Variants in TBC1D16 observed in about 807,000 individuals in gnomAD.
TBC1D16 encodes the protein TBC1 domain family member 16, also known as CTD-2529O21.1.
A neutral mutation model predicts 74.7 loss-of-function variants in TBC1D16; 58 were observed. That is an observed-to-expected ratio of 0.78 (90% CI 0.63 to 0.97). The LOEUF (loss-of-function observed/expected upper bound fraction) is 0.97, where lower values mean the gene tolerates loss of function less well. TBC1D16 is among the 50% of genes least tolerant of loss of function. TBC1D16 has a pLI of 0.00. For synonymous variants in TBC1D16, 493 were observed against 474.7 expected (o/e 1.04, Z -0.50); for missense variants, 1,014 against 1,079.5 (o/e 0.94, Z 0.85).
Position 79,941,272 on chromosome 17 carries a change from G to A in TBC1D16, c.2056-165C>T, listed in dbSNP as rs978526734. Among the ~76,000 whole-genome samples, 10 of 152,114 alleles carry A rather than the reference G, an allele frequency of 6.6e-5. No individual in the cohort carries two copies. Among genetic ancestry groups the A allele is most frequent in the African/African-American group, 1.9e-4 (8 of 41,426 alleles). On this transcript the variant is annotated intron_variant, in intron 11 of 11. Transcript: ENST00000310924. The surrounding 1 kb of genome is among the most constrained non-coding windows in gnomAD (Gnocchi z 4.3). ...TCTGCCTGCATCTCCCACCATCACC[G>A]GCACCACGGGGCCCTGGGTCTTAGG...
intron 3 of TBC1D16, chr17:79,992,963 C>A (rs2035131022): frequency 6.6e-6 from 1 of 152,358 alleles, no homozygotes; most frequent in Non-Finnish European, 1.5e-5. Flanking sequence ...ACCCCACTCC[C>A]CTCCTGGGGA....
At position 79,944,418 on chromosome 17, in the gene TBC1D16, G is replaced by A. The variant is rs2032325632; in HGVS notation, c.1908+490C>T. On this transcript the variant is annotated intron_variant, in intron 10 of 11. Transcript: ENST00000310924. The surrounding 1 kb of genome is among the most constrained non-coding windows in gnomAD (Gnocchi z 7.7). ...TTGCTGAGAAGATGCTGGTGACGGT[G>A]GACGGAGAGTGGAAGTCGGTATCAC... Among the ~76,000 whole-genome samples, 3 of 152,220 alleles carry A rather than the reference G, an allele frequency of 2.0e-5. No homozygotes were observed. The highest frequency in any genetic ancestry group is 2.0e-4 in the Admixed American group (3 of 15,282).
rs2587512 is a variant in TBC1D16 at position 79,938,252 on chromosome 17, C to A, written c.*2607G>T. On this transcript the variant is annotated 3_prime_UTR_variant, in exon 12 of 12. Transcript: ENST00000310924. ...CCTCCGCCAAGCCCTGAACACCCAG[C>A]TCATGGCTTCCGAGGTCCTGGCTGG... is the stretch of plus-strand genomic sequence containing the variant. 6.6e-6 allele frequency: 1 copy of A among 152,274 alleles called. No individual in the cohort carries two copies. The highest frequency in any genetic ancestry group is 1.5e-5 in the Non-Finnish European group (1 of 68,102). 9.4% of individuals were successfully genotyped at this position (152,274 alleles called of 1,614,324 possible).
At chr17:79,942,358 G>T in intron 10 of TBC1D16, 152 bp from the exon 11 acceptor site, 1 of 808,282 alleles carries the variant, frequency 1.2e-6, no homozygotes, top group Non-Finnish European at 1.9e-6. Context: ...CCCTGGGCAA[G>T]CTGCACCGCC....
rs1265952439 is a variant in TBC1D16, at chr17:80,018,785, G to A, written c.-62-5176C>T. Among the ~76,000 whole-genome samples the A allele has an allele frequency of 3.4e-5, 5 of 149,236 alleles. 1 individual carries two copies. ...CCCGCTAATTTTTTTATTTTTTGTA[G>A]AGATGAGGTTTCACTTTTTTGCCCA... On this transcript the variant is annotated intron_variant, in intron 1 of 11. Coordinates refer to ENST00000310924, the MANE Select transcript of TBC1D16 (RefSeq NM_019020.4).
intron 1 of TBC1D16, among the ~76,000 whole-genome samples, chr17:80,017,977 T>C (rs566718040): frequency 1.8e-4 from 27 of 152,258 alleles, no homozygotes; most frequent in African/African-American, 6.0e-4. Context: ...AAAAAACATA[T>C]TGTCCTTCCC....
chr17:80,023,605 C>G (rs1268495827), intron 1 of TBC1D16, among the ~76,000 whole-genome samples: 3 of 150,016 alleles, frequency 2.0e-5, no homozygotes, highest in Non-Finnish European at 1.5e-5. Flanking sequence ...CCCAGGGACC[C>G]TTCCAGGCAT....
rs74001794 is a variant in TBC1D16, at chr17:79,956,943, C to A, written c.780-4125G>T. Among the ~76,000 whole-genome samples the A allele has an allele frequency of 0.015, 2,209 of 152,220 alleles. 65 individuals are homozygous for A. The highest frequency in any genetic ancestry group is 0.05 in the African/African-American group (2,093 of 41,514). On this transcript the variant is annotated intron_variant, in intron 3 of 11. Transcript: ENST00000310924. This position sits in a 1 kb window ranked among gnomAD's most constrained non-coding sequence, Gnocchi z 4.0. ...GAGGCACGTTGCTGGGGGAGGTGTGCGGTGGCTCCTGGGTCCAGGACTCTT... is the reference window on the plus strand; with the variant it reads ...GAGGCACGTTGCTGGGGGAGGTGTGAGGTGGCTCCTGGGTCCAGGACTCTT...
intron 3 of TBC1D16, among the ~76,000 whole-genome samples, chr17:79,965,884 G>A (rs561252292): frequency 2.4e-4 from 36 of 152,352 alleles, no homozygotes; most frequent in African/African-American, 8.4e-4. Flanking sequence ...TCCATAGATG[G>A]GCACTGAGCC....
rs1568616343 is a variant in TBC1D16 at position 79,990,267 on chromosome 17, C to T, written c.779+19893G>A. On this transcript the variant is annotated intron_variant, in intron 3 of 11. Transcript: ENST00000310924. The surrounding 1 kb of genome is among the most constrained non-coding windows in gnomAD (Gnocchi z 4.8). ...ACAAGGCGTGTGCGGTGACGGGTCTCGGGCGCCCAGCCAGCGAGGGGCCGG... is the reference window on the plus strand; with the variant it reads ...ACAAGGCGTGTGCGGTGACGGGTCTTGGGCGCCCAGCCAGCGAGGGGCCGG... Among the ~76,000 whole-genome samples the T allele has an allele frequency of 6.6e-6, 1 of 152,204 alleles. No individual in the cohort carries two copies. The highest frequency in any genetic ancestry group is 2.4e-5 in the African/African-American group (1 of 41,450).
At chr17:79,951,953 G>A (rs1033685222) in intron 4 of TBC1D16, 2 of 191,200 alleles carry the variant, frequency 1.0e-5, no homozygotes, top group Non-Finnish European at 1.1e-5. Context: ...GCCCTGGCAG[G>A]CCATGTGCTA....
intron 3 of TBC1D16, among the ~76,000 whole-genome samples, chr17:79,967,849 G>A (rs766561571): frequency 3.3e-5 from 5 of 152,030 alleles, no homozygotes; most frequent in Admixed American, 6.5e-5. Flanking sequence ...ACAAAGCTAC[G>A]GTAATCAATA....
At position 80,020,542 on chromosome 17, in the gene TBC1D16, G is replaced by A. The variant is rs185109510; in HGVS notation, c.-62-6933C>T. Among the ~76,000 whole-genome samples, 559 of 149,564 alleles carry A rather than the reference G, an allele frequency of 3.7e-3. 63 individuals carry two copies. The highest frequency in any genetic ancestry group is 0.014 in the African/African-American group (533 of 39,038). Reference sequence around the variant, plus strand: ...GGAGGTTGCAGTGAGCTGAGATGGCGCCACTGCACTCCAGCCTGGGAGACA... The same window carrying A: ...GGAGGTTGCAGTGAGCTGAGATGGCACCACTGCACTCCAGCCTGGGAGACA... On this transcript the variant is annotated intron_variant, in intron 1 of 11. Transcript: ENST00000310924.
chr17:79,957,059 A>T (rs2033370931), intron 3 of TBC1D16, among the ~76,000 whole-genome samples: 1 of 152,160 alleles, frequency 6.6e-6, no homozygotes, highest in South Asian at 2.1e-4. Flanking sequence ...TGACTGCCAA[A>T]GCGAGTCTCT....
At position 79,936,188 on chromosome 17, in the gene TBC1D16, T is replaced by A. The variant is rs918328342; in HGVS notation, c.*4671A>T. On this transcript the variant is annotated 3_prime_UTR_variant, in exon 12 of 12. Coordinates refer to ENST00000310924, the MANE Select transcript of TBC1D16 (RefSeq NM_019020.4). Reference sequence around the variant, plus strand: ...GCCTGGCGGGATCGCAGAGGATGGGTCTCGTGGCAGGAGTGGGCAGAATGG... The same window carrying A: ...GCCTGGCGGGATCGCAGAGGATGGGACTCGTGGCAGGAGTGGGCAGAATGG... The A allele has an allele frequency of 6.6e-6, 1 of 152,308 alleles. No homozygotes were observed. The highest frequency in any genetic ancestry group is 1.9e-4 in the East Asian group (1 of 5,174). The allele number at this position is 152,308 out of a possible 1,614,324, so 9.4% of individuals were successfully genotyped here. A position where few individuals can be genotyped will look rare whatever the true frequency, so the allele number is the denominator to read the frequency against.
chr17:79,959,359 A>T (rs1368820596), intron 3 of TBC1D16, among the ~76,000 whole-genome samples: 2 of 152,340 alleles, frequency 1.3e-5, no homozygotes, highest in East Asian at 3.9e-4. Context: ...GCCCAATCAA[A>T]ATTCCAACAG....
At chr17:80,004,112 T>C (rs756525496) in intron 3 of TBC1D16, among the ~76,000 whole-genome samples, 11 of 152,370 alleles carry the variant, frequency 7.2e-5, no homozygotes, top group African/African-American at 2.2e-4. Context: ...ATCCGTATTA[T>C]GTAAAATTAA....
intron 3 of TBC1D16, among the ~76,000 whole-genome samples, chr17:79,998,373 G>T (rs1469653668): frequency 6.6e-6 from 1 of 151,428 alleles, no homozygotes; most frequent in Non-Finnish European, 1.5e-5. Context: ...TGTGACCCAG[G>T]TTGGAGGGCA....
chr17:79,979,619 G>A lies in TBC1D16; in HGVS notation c.780-26801C>T, dbSNP rs1568607149. ...CTGTCGCAGGTCCAGGTTATTCGGTGCCATAAAAAGGCACACGTCGACCTT... is the reference window on the plus strand; with the variant it reads ...CTGTCGCAGGTCCAGGTTATTCGGTACCATAAAAAGGCACACGTCGACCTT... On this transcript the variant is annotated intron_variant, in intron 3 of 11. Transcript: ENST00000310924. The surrounding 1 kb of genome is among the most constrained non-coding windows in gnomAD (Gnocchi z 4.8). Among the ~76,000 whole-genome samples the A allele has an allele frequency of 2.0e-5, 3 of 152,032 alleles. No individual in the cohort carries two copies. Among genetic ancestry groups the A allele is most frequent in the Non-Finnish European group, 4.4e-5 (3 of 68,012 alleles).
Sources: allele counts gnomAD v4.1 joint callset (sites outside exome capture counted in the v4.1 genomes callset), GRCh38; gene constraint gnomAD v4.1.1; non-coding constraint Gnocchi (gnomAD v3.1); transcripts MANE v1.5; gene names NCBI Gene and HGNC (gene_info 2026-07-23, HGNC 2026-07-21).